TTLL7: variants seen among roughly 807,000 people sequenced by gnomAD.
TTLL7 encodes tubulin tyrosine ligase like 7, also known as tubulin polyglutamylase TTLL7.
TTLL7 carries 53 observed loss-of-function variants against 120.2 expected under a neutral mutation model. That is an observed-to-expected ratio of 0.44 (90% CI 0.35 to 0.55). The LOEUF (loss-of-function observed/expected upper bound fraction) is 0.55, where lower values mean the gene tolerates loss of function less well. Among genes scored for constraint, TTLL7 ranks in the 20% least tolerant of loss-of-function variants. TTLL7 has a pLI of 0.00. For missense variants in TTLL7, 803 were observed against 1,054.7 expected (o/e 0.76, Z 3.31); for synonymous variants, 353 against 351.7 (o/e 1.00, Z -0.04).
intron 1 of TTLL7, among the ~76,000 whole-genome samples, chr1:83,994,447 G>A (rs981676954): frequency 1.3e-5 from 2 of 152,198 alleles, no homozygotes; most frequent in African/African-American, 2.4e-5. Context: ...CCAACACTGG[G>A]CCCCTGCCCT....
At chr1:83,979,968 A>T (rs1239910624) in intron 1 of TTLL7, 1 of 152,228 alleles carries the variant, frequency 6.6e-6, no homozygotes, top group East Asian at 1.9e-4. Flanking sequence ...CTGATAGCTG[A>T]CTTTAAAAGA....
chr1:83,914,260 A>G (rs931878463), intron 14 of TTLL7, among the ~76,000 whole-genome samples: 2 of 150,826 alleles, frequency 1.3e-5, no homozygotes, highest in Non-Finnish European at 2.9e-5. Flanking sequence ...ATACAGTATC[A>G]TAACTCCATA....
At chr1:83,890,545 G>T in intron 18 of TTLL7, 64 bp from the exon 19 acceptor site, 1 of 1,393,974 alleles carries the variant, frequency 7.2e-7, no homozygotes. Context: ...ATTCAAAGAT[G>T]TAGCTTGAGC....
intron 1 of TTLL7, among the ~76,000 whole-genome samples, chr1:83,976,435 CAAACA>C (rs935128296): frequency 3.9e-5 from 6 of 151,974 alleles, no homozygotes; most frequent in African/African-American, 1.4e-4. Flanking sequence ...CTGAGCAAAA[CAAACA>C]AAACAGAGAG....
At chr1:83,954,074 C>G (rs1649300523) in intron 1 of TTLL7, among the ~76,000 whole-genome samples, 1 of 152,118 alleles carries the variant, frequency 6.6e-6, no homozygotes, top group Admixed American at 6.6e-5. Flanking sequence ...TTTGAGTTTA[C>G]AAGTTTTTTG....
chr1:83,922,327 C>T (rs537463887), intron 10 of TTLL7, among the ~76,000 whole-genome samples: 13 of 152,186 alleles, frequency 8.5e-5, no homozygotes, highest in Non-Finnish European at 1.3e-4. Flanking sequence ...AAAGGAAAGG[C>T]GACAAGAAGG....
intron 1 of TTLL7, among the ~76,000 whole-genome samples, chr1:83,956,372 G>C (rs1029014690): frequency 1.0e-4 from 15 of 149,652 alleles, no homozygotes; most frequent in African/African-American, 3.7e-4. Context: ...TTATCCTTTC[G>C]CCTCAGCCTT....
At chr1:83,980,772 T>C (rs1013211335) in intron 1 of TTLL7, 1 of 152,102 alleles carries the variant, frequency 6.6e-6, no homozygotes, top group Non-Finnish European at 1.5e-5. Flanking sequence ...TAATATTTTA[T>C]GGAAAAAGCA....
chr1:83,890,012 G>A, intron 19 of TTLL7: 3 of 489,132 alleles, frequency 6.1e-6, no homozygotes, highest in South Asian at 1.5e-5. Context: ...TTCTGGGGAG[G>A]AGGAGAAGTG....
At chr1:83,894,812 G>A (rs1244771801) in intron 18 of TTLL7, among the ~76,000 whole-genome samples, 1 of 152,060 alleles carries the variant, frequency 6.6e-6, no homozygotes. Flanking sequence ...TTCCTGTCCA[G>A]AGCAAACCAC....
intron 14 of TTLL7, among the ~76,000 whole-genome samples, chr1:83,914,393 G>A (rs190834735): frequency 1.4e-4 from 20 of 138,810 alleles, no homozygotes; most frequent in African/African-American, 2.1e-4. Context: ...GTGCAGTGGC[G>A]CGATCTTGGC....
intron 20 of TTLL7, chr1:83,880,177 T>C (rs1452552224): frequency 6.6e-6 from 1 of 152,052 alleles, no homozygotes; most frequent in African/African-American, 2.4e-5. Flanking sequence ...TTAAAAGTTT[T>C]ATTTCAATAA....
chr1:83,927,104 G>A (rs933552612), intron 10 of TTLL7, among the ~76,000 whole-genome samples: 17 of 152,130 alleles, frequency 1.1e-4, no homozygotes, highest in African/African-American at 4.1e-4. Flanking sequence ...TTTCACAGCA[G>A]TTGTGATGGA....
At chr1:83,967,040 C>T (rs1334582110) in intron 1 of TTLL7, among the ~76,000 whole-genome samples, 1 of 152,044 alleles carries the variant, frequency 6.6e-6, no homozygotes. Context: ...TAAATTTTCC[C>T]TCTTTTGTAT....
chr1:83,933,503 C>T, intron 9 of TTLL7, 105 bp downstream of exon 9: 1 of 1,211,044 alleles, frequency 8.3e-7, no homozygotes, highest in Non-Finnish European at 1.2e-6. Flanking sequence ...AGCCTTCATT[C>T]TGGACAGTTA....
intron 18 of TTLL7, among the ~76,000 whole-genome samples, chr1:83,891,601 C>A (rs1397327758): frequency 1.3e-5 from 2 of 152,012 alleles, no homozygotes; most frequent in African/African-American, 4.8e-5. Context: ...TAGGAGGCAG[C>A]ATGTACAAGA....
intron 20 of TTLL7, among the ~76,000 whole-genome samples, chr1:83,873,942 C>G (rs1024841559): frequency 6.6e-6 from 1 of 151,970 alleles, no homozygotes; most frequent in African/African-American, 2.4e-5. Flanking sequence ...TCTGTCCTGT[C>G]TTTTTAAAAT....
At position 83,921,976 on chromosome 1, in the gene TTLL7, ACT is replaced by A. The variant is rs770634596; in HGVS notation, c.1143-584_1143-583del. Reference sequence around the variant, plus strand: ...ACTCAATTATGAAAATTTACTTATAACTCTCTGATTTTTAAGGAAAAGTCCTG... The same window carrying A: ...ACTCAATTATGAAAATTTACTTATAACTCTGATTTTTAAGGAAAAGTCCTG... On this transcript the variant is annotated intron_variant, in intron 10 of 20. Coordinates refer to ENST00000260505, the MANE Select transcript of TTLL7 (RefSeq NM_024686.6). 1.6e-4 allele frequency among the ~76,000 whole-genome samples: 24 copies of A among 151,850 alleles called. 1 individual carries two copies. The highest frequency in any genetic ancestry group is 6.4e-3 in the Middle Eastern group (2 of 314).
At chr1:83,968,738 T>C (rs975900477) in intron 1 of TTLL7, among the ~76,000 whole-genome samples, 16 of 152,046 alleles carry the variant, frequency 1.1e-4, no homozygotes, top group African/African-American at 3.9e-4. Flanking sequence ...AGAAGCCGAC[T>C]TCATGATCTA....
Sources: allele counts gnomAD v4.1 joint callset (sites outside exome capture counted in the v4.1 genomes callset), GRCh38; gene constraint gnomAD v4.1.1; transcripts MANE v1.5; gene names NCBI Gene and HGNC (gene_info 2026-07-23, HGNC 2026-07-21).